The following ERBB4 variants were observed in gnomAD, a reference collection of about 807,000 sequenced individuals.
The protein encoded by ERBB4 is receptor tyrosine-protein kinase erbB-4.
Under a neutral mutation model 158.0 loss-of-function variants are expected in ERBB4, and 42 were observed. The observed-to-expected ratio is 0.27, with a 90% CI of 0.21 to 0.34. The LOEUF is 0.34. Ranked by LOEUF, ERBB4 falls within the 10% of genes least tolerant of loss-of-function variation. The pLI, the probability that ERBB4 is intolerant of heterozygous loss-of-function variation, is 1.00. For synonymous variants in ERBB4, 583 were observed against 558.7 expected (o/e 1.04, Z -0.61); for missense variants, 1,333 against 1,624.1 (o/e 0.82, Z 3.08).
At chr2:212,531,433 G>A (rs549784062) in intron 1 of ERBB4, among the ~76,000 whole-genome samples, 1 of 152,276 alleles carries the variant, frequency 6.6e-6, no homozygotes, top group Admixed American at 6.5e-5. Context: ...TTATGCTCTT[G>A]CTCAAAGAAT....
intron 1 of ERBB4, among the ~76,000 whole-genome samples, chr2:212,249,555 G>A (rs534811050): frequency 1.3e-5 from 2 of 151,830 alleles, no homozygotes; most frequent in East Asian, 3.9e-4. Context: ...CTAAACTGAC[G>A]ACATTGCAAG....
At chr2:211,973,170 A>T (rs1304486166) in intron 2 of ERBB4, among the ~76,000 whole-genome samples, 1 of 152,074 alleles carries the variant, frequency 6.6e-6, no homozygotes, top group Non-Finnish European at 1.5e-5. Context: ...AATCATATGA[A>T]AAAAGCTAAC....
intron 2 of ERBB4, among the ~76,000 whole-genome samples, chr2:212,122,467 C>T (rs1185957458): frequency 6.6e-6 from 1 of 151,916 alleles, no homozygotes; most frequent in Non-Finnish European, 1.5e-5. Context: ...TAAAGATATG[C>T]ACATGGATTA....
intron 1 of ERBB4, among the ~76,000 whole-genome samples, chr2:212,134,185 T>C (rs1446614312): frequency 1.4e-5 from 2 of 146,384 alleles, no homozygotes; most frequent in Non-Finnish European, 3.0e-5. Flanking sequence ...TTTTGCAGTT[T>C]TGAGAAGTTT....
chr2:211,844,139 A>G (rs2077539088), intron 3 of ERBB4, among the ~76,000 whole-genome samples: 1 of 63,286 alleles, frequency 1.6e-5, no homozygotes, highest in Non-Finnish European at 3.9e-5. Flanking sequence ...TGAAAACACT[A>G]ATTTTTTTGA....
chr2:212,188,442 T>G (rs2082095945), intron 1 of ERBB4, among the ~76,000 whole-genome samples: 1 of 151,720 alleles, frequency 6.6e-6, no homozygotes, highest in South Asian at 2.1e-4. Flanking sequence ...ACCCCTAGGT[T>G]TCTCGCTTTC....
At chr2:212,180,226 T>TTTA (rs1428605910) in intron 1 of ERBB4, among the ~76,000 whole-genome samples, 1 of 151,734 alleles carries the variant, frequency 6.6e-6, no homozygotes, top group Non-Finnish European at 1.5e-5. Context: ...ACACTGCTGT[T>TTTA]TTATTTATTC....
At chr2:211,400,498 T>G (rs2063013454) in intron 25 of ERBB4, among the ~76,000 whole-genome samples, 1 of 152,248 alleles carries the variant, frequency 6.6e-6, no homozygotes, top group East Asian at 1.9e-4. Flanking sequence ...ATCACAAATT[T>G]TATTTGAAGT....
chr2:211,548,167 T>C (rs1258843365), intron 20 of ERBB4, among the ~76,000 whole-genome samples: 1 of 152,018 alleles, frequency 6.6e-6, no homozygotes, highest in Non-Finnish European at 1.5e-5. Context: ...ATTGTCCTCC[T>C]TTGAGGCAAT....
intron 3 of ERBB4, among the ~76,000 whole-genome samples, chr2:211,881,235 C>A (rs1370646647): frequency 6.6e-6 from 1 of 152,138 alleles, no homozygotes; most frequent in Non-Finnish European, 1.5e-5. Context: ...CAAAAGCAGA[C>A]TGGTCAAGAG....
intron 2 of ERBB4, among the ~76,000 whole-genome samples, chr2:211,989,549 C>T (rs2082019622): frequency 1.3e-5 from 2 of 151,436 alleles, no homozygotes; most frequent in Non-Finnish European, 1.5e-5. Context: ...GGTAAAAATC[C>T]TTTTTCTTGT....
At chr2:212,223,996 T>A (rs2083388797) in intron 1 of ERBB4, among the ~76,000 whole-genome samples, 1 of 151,916 alleles carries the variant, frequency 6.6e-6, no homozygotes, top group Non-Finnish European at 1.5e-5. Context: ...AATTTCTGCA[T>A]TTATCCAGTA....
intron 1 of ERBB4, among the ~76,000 whole-genome samples, chr2:212,151,858 C>T (rs758983163): frequency 6.6e-6 from 1 of 151,788 alleles, no homozygotes; most frequent in African/African-American, 2.4e-5. Flanking sequence ...CACTGCACTC[C>T]AGCTAAAAAA....
intron 1 of ERBB4, among the ~76,000 whole-genome samples, chr2:212,160,194 T>C (rs984324963): frequency 6.6e-5 from 10 of 151,934 alleles, no homozygotes; most frequent in African/African-American, 2.4e-4. Flanking sequence ...CAAGAACCAA[T>C]TAGTGTCACA....
At chr2:212,092,552 C>T (rs529549227) in intron 2 of ERBB4, among the ~76,000 whole-genome samples, 29 of 152,174 alleles carry the variant, frequency 1.9e-4, no homozygotes, top group South Asian at 4.1e-4. Context: ...AAAATGATAT[C>T]GTTTACAGAA....
chr2:211,645,924 T>C (rs1278700464), intron 16 of ERBB4, among the ~76,000 whole-genome samples: 1 of 151,632 alleles, frequency 6.6e-6, no homozygotes, highest in Non-Finnish European at 1.5e-5. Flanking sequence ...TAATGCCAGA[T>C]ACACACACAT....
intron 2 of ERBB4, among the ~76,000 whole-genome samples, chr2:212,056,863 G>A (rs1281986742): frequency 6.6e-6 from 1 of 152,130 alleles, no homozygotes; most frequent in Non-Finnish European, 1.5e-5. Context: ...GGAAGAAATG[G>A]CATCAACTAA....
intron 1 of ERBB4, among the ~76,000 whole-genome samples, chr2:212,289,914 C>T (rs894269303): frequency 3.3e-5 from 5 of 152,082 alleles, no homozygotes; most frequent in Non-Finnish European, 7.4e-5. Flanking sequence ...TTAACTGATA[C>T]CAAATCTTTC....
chr2:212,043,497 C>T (rs1375639142), intron 2 of ERBB4, among the ~76,000 whole-genome samples: 2 of 152,068 alleles, frequency 1.3e-5, no homozygotes, highest in African/African-American at 4.8e-5. Flanking sequence ...CAAAAGGTAT[C>T]AAAATGCAAT....
Sources: allele counts gnomAD v4.1 joint callset (sites outside exome capture counted in the v4.1 genomes callset), GRCh38; gene constraint gnomAD v4.1.1; transcripts MANE v1.5; gene names NCBI Gene and HGNC (gene_info 2026-07-23, HGNC 2026-07-21).